TTC19: variants seen among roughly 807,000 people sequenced by gnomAD.
The protein encoded by TTC19 is tetratricopeptide repeat domain 19.
A neutral mutation model predicts 49.5 loss-of-function variants in TTC19; 38 were observed. The ratio of observed to expected loss-of-function variants is 0.77; its 90% CI spans 0.59 to 1.01. The LOEUF is 1.01. TTC19 is among the 50% of genes least tolerant of loss of function. The probability of loss-of-function intolerance (pLI) is 0.00; values close to 1 mark genes in which losing one functional copy is unlikely to be tolerated. For missense variants in TTC19, 475 were observed against 477.7 expected, an observed-to-expected ratio of 0.99 and a Z score of 0.05; for synonymous variants, 204 against 185.2, an observed-to-expected ratio of 1.10 and a Z score of -0.83.
Position 16,023,074 on chromosome 17 carries a change from A to G in TTC19, c.677-1943A>G, listed in dbSNP as rs142595097. ...GAACTCTTTGGGGGAACTTTATGAA[A>G]TTTTCTCTTGGCAGTTGCTAAAAGT... is the stretch of plus-strand genomic sequence containing the variant. On this transcript the variant is annotated intron_variant, in intron 7 of 9. Transcript: ENST00000261647. Among the ~76,000 whole-genome samples, 71 of 152,246 alleles carry G rather than the reference A, an allele frequency of 4.7e-4. No individual in the cohort carries two copies. In the East Asian group the frequency reaches 0.013, roughly 27 times the overall value.
chr17:16,016,429 G>A (rs1971218225), intron 7 of TTC19, among the ~76,000 whole-genome samples: 1 of 152,046 alleles, frequency 6.6e-6, no homozygotes, highest in Non-Finnish European at 1.5e-5. Flanking sequence ...AATGTTGTAT[G>A]TGCATTTGAG....
intron 7 of TTC19, among the ~76,000 whole-genome samples, chr17:16,018,815 G>A (rs1338637406): frequency 6.6e-6 from 1 of 152,116 alleles, no homozygotes; most frequent in Admixed American, 6.5e-5. Context: ...GCTTCCCTCT[G>A]ATGTAATTTT....
rs1035393886 is a variant in TTC19, at chr17:16,012,332, T to G, written c.676+5764T>G. 2.0e-5 allele frequency among the ~76,000 whole-genome samples: 3 copies of G among 151,922 alleles called. No homozygotes were observed. In the South Asian group the frequency reaches 6.2e-4, roughly 32 times the overall value. On this transcript the variant is annotated intron_variant, in intron 7 of 9. Coordinates refer to ENST00000261647, the MANE Select transcript of TTC19 (RefSeq NM_017775.4). ...GGCAAAACCCCATGTTTACAAAAAT[T>G]ATCTGGGCATGGTGTTGCGCACTTG...
At chr17:16,020,399 T>C (rs994573414) in intron 7 of TTC19, among the ~76,000 whole-genome samples, 4 of 152,204 alleles carry the variant, frequency 2.6e-5, no homozygotes, top group East Asian at 1.9e-4. Context: ...TCCTTACGTA[T>C]TCGATCATTT....
chr17:16,021,745 T>G (rs1971391256), intron 7 of TTC19, among the ~76,000 whole-genome samples: 1 of 152,346 alleles, frequency 6.6e-6, no homozygotes, highest in South Asian at 2.1e-4. Flanking sequence ...TCTGATTTTC[T>G]AAAATTTTGG....
At chr17:16,023,547 C>G (rs796260665) in intron 7 of TTC19, 6 of 152,330 alleles carry the variant, frequency 3.9e-5, no homozygotes, top group African/African-American at 1.4e-4. Context: ...TCCTAGAAAA[C>G]ATAGCATGCC....
Position 16,027,993 on chromosome 17 carries a change from TTA to T in TTC19, c.*474_*475del, listed in dbSNP as rs1415579391. 1 of 454,238 alleles carries T rather than the reference TTA, an allele frequency of 2.2e-6. No homozygotes were observed. The highest frequency in any genetic ancestry group is 2.3e-5 in the Admixed American group (1 of 42,574). 28.1% of individuals were successfully genotyped at this position (454,238 alleles called of 1,614,324 possible). A position where few individuals can be genotyped will look rare whatever the true frequency, so the allele number is the denominator to read the frequency against. ...GGGGGATTATGGTGAATTGTTGTTC[TTA>T]TAGTCTGTTTCATGAAGCACAAGTG... On this transcript the variant is annotated 3_prime_UTR_variant, in exon 10 of 10. Coordinates refer to ENST00000261647, the MANE Select transcript of TTC19 (RefSeq NM_017775.4).
At chr17:16,016,651 G>A (rs1190441514) in intron 7 of TTC19, among the ~76,000 whole-genome samples, 3 of 145,278 alleles carry the variant, frequency 2.1e-5, no homozygotes, top group East Asian at 4.1e-4. Context: ...TCCACCTCCC[G>A]GGTTCAAGTG....
chr17:16,003,661 ATC>A (rs1002979791), intron 4 of TTC19, among the ~76,000 whole-genome samples, 168 bp from the exon 5 acceptor site: 21 of 151,718 alleles, frequency 1.4e-4, no homozygotes, highest in Admixed American at 1.1e-3. Context: ...TGATATTTTG[ATC>A]TGTTTTCGCT....
chr17:16,006,653 T>C (rs572867474), intron 7 of TTC19, 85 bp downstream of exon 7: 1 of 980,448 alleles, frequency 1.0e-6, no homozygotes, highest in South Asian at 1.4e-5. Flanking sequence ...AGATCTAAAT[T>C]GGGAAGAGGG....
intron 2 of TTC19, among the ~76,000 whole-genome samples, chr17:16,041,768 ACT>A (rs1448859717): frequency 7.4e-6 from 1 of 134,724 alleles, no homozygotes; most frequent in African/African-American, 2.8e-5. Context: ...ACGGAGTCTC[ACT>A]CTGCCGCCCA....
downstream of TTC19, chr17:16,030,243 T>C: frequency 4.4e-6 from 1 of 228,648 alleles, no homozygotes; most frequent in Non-Finnish European, 8.6e-6. Context: ...TCTTCATCCT[T>C]GTCATCTTCA....
Position 16,028,671 on chromosome 17 carries a change from G to C in TTC19, c.*1149G>C, listed in dbSNP as rs1280978886. On this transcript the variant is annotated 3_prime_UTR_variant, in exon 10 of 10. Coordinates refer to ENST00000261647, the MANE Select transcript of TTC19 (RefSeq NM_017775.4). ...TTTCTAGGTACCATGAAGGAAGATT[G>C]ACCCTGTTGGTATGCCTGTGGGGGT... 2 of 453,770 alleles carry C rather than the reference G, an allele frequency of 4.4e-6. No homozygotes were observed. The highest frequency in any genetic ancestry group is 2.4e-5 in the Admixed American group (1 of 42,538). The allele number at this position is 453,770 out of a possible 1,614,324, so 28.1% of individuals were successfully genotyped here.
intron 2 of TTC19, chr17:16,034,665 G>A: frequency 9.2e-7 from 1 of 1,087,758 alleles, no homozygotes; most frequent in Non-Finnish European, 1.3e-6. Flanking sequence ...GGGAATATAG[G>A]TTTCCAAATT....
intron 7 of TTC19, among the ~76,000 whole-genome samples, chr17:16,020,311 C>T (rs1256239692): frequency 2.0e-5 from 3 of 152,096 alleles, no homozygotes; most frequent in African/African-American, 7.2e-5. Context: ...TTCAGATTAC[C>T]TGCTCTGAAA....
intron 2 of TTC19, chr17:16,039,428 T>G (rs1354986407): frequency 6.2e-7 from 1 of 1,612,216 alleles, no homozygotes; most frequent in Non-Finnish European, 8.5e-7. Flanking sequence ...AAATGAAAGC[T>G]GTACCTGAAT....
At chr17:16,036,914 C>A (rs1475506931) in intron 2 of TTC19, among the ~76,000 whole-genome samples, 1 of 152,222 alleles carries the variant, frequency 6.6e-6, no homozygotes, top group African/African-American at 2.4e-5. Flanking sequence ...CCTTTGCATT[C>A]ACAATTTGGC....
At chr17:16,025,503 AG>A (rs1163587936) in intron 8 of TTC19, among the ~76,000 whole-genome samples, 4 of 152,206 alleles carry the variant, frequency 2.6e-5, no homozygotes, top group African/African-American at 9.7e-5. Flanking sequence ...TACCCCTATT[AG>A]AAGCTTATGA....
downstream of TTC19, chr17:16,032,459 G>T (rs1301919715): frequency 6.3e-7 from 1 of 1,596,150 alleles, no homozygotes; most frequent in Non-Finnish European, 8.5e-7. Flanking sequence ...CATAGTCAGA[G>T]GGTTATAAGG....
Sources: allele counts gnomAD v4.1 joint callset (sites outside exome capture counted in the v4.1 genomes callset), GRCh38; gene constraint gnomAD v4.1.1; transcripts MANE v1.5; gene names NCBI Gene and HGNC (gene_info 2026-07-23, HGNC 2026-07-21).